Variants in B4GALT4 observed in about 807,000 individuals in gnomAD.
The protein encoded by B4GALT4 is beta-1,4-galactosyltransferase 4, also known as N-acetyllactosamine synthase.
B4GALT4 carries 27 observed loss-of-function variants against 37.3 expected under a neutral mutation model. That is an observed-to-expected ratio of 0.72 (90% CI 0.53 to 1.00). The LOEUF (loss-of-function observed/expected upper bound fraction) is 1.00. Among genes scored for constraint, B4GALT4 ranks in the 50% least tolerant of loss-of-function variants. The pLI is 0.00. For synonymous variants in B4GALT4, 148 were observed against 154.1 expected, an observed-to-expected ratio of 0.96 and a Z score of 0.29; for missense variants, 372 against 413.1, an observed-to-expected ratio of 0.90 and a Z score of 0.86.
In B4GALT4 at chr3:119,212,034, G is replaced by A. The variant is rs912912579; in HGVS notation, c.*515C>T. On this transcript the variant is annotated 3_prime_UTR_variant, in exon 8 of 8. Coordinates refer to ENST00000393765, the MANE Select transcript of B4GALT4 (RefSeq NM_003778.4). ...TCCCAAGTTCACTGTGTCCTGATTC[G>A]TCGCCTTTTCTCCCCTCTTTTGTGG... The A allele has an allele frequency of 1.8e-5, 12 of 649,672 alleles. No homozygotes were observed. The highest frequency in any genetic ancestry group is 8.2e-5 in the East Asian group (3 of 36,486). 40.2% of individuals were successfully genotyped at this position (649,672 alleles called of 1,614,324 possible). A position where few individuals can be genotyped will look rare whatever the true frequency, so the allele number is the denominator to read the frequency against.
rs1404967090 is a variant in B4GALT4, at chr3:119,229,855, G to C, written c.245C>G (p.Pro82Arg). The change falls in exon 3 of 8, where the codon CCT (proline) becomes CGT (arginine). Residue 82 changes from proline to arginine, a missense_variant. Physicochemically the swap from Pro to Arg is moderately radical, Grantham distance 103 (BLOSUM62 -2). Transcript: ENST00000393765. ...VELDNCPSVS[P>R]YLRGQSKLIF... ...AAAAAAGCAACACTTACTGAGGTAA[G>C]GAGACACAGAAGGGCAGTTGTCAAG... 1.2e-6 allele frequency: 2 copies of C among 1,614,016 alleles called. No homozygotes were observed. The highest frequency in any genetic ancestry group is 1.7e-6 in the Non-Finnish European group (2 of 1,179,986).
At chr3:119,227,366 C>G (rs1001880726) in intron 3 of B4GALT4, among the ~76,000 whole-genome samples, 1 of 152,196 alleles carries the variant, frequency 6.6e-6, no homozygotes, top group Non-Finnish European at 1.5e-5. Context: ...CAGGGCTAGA[C>G]AGAGTAACTT....
intron 4 of B4GALT4, 64 bp from the exon 5 acceptor site, chr3:119,224,309 T>TA: frequency 7.6e-7 from 1 of 1,318,738 alleles, no homozygotes; most frequent in Non-Finnish European, 1.0e-6. Flanking sequence ...GTTTGCCTCT[T>TA]AGTTAGGATT....
At chr3:119,220,752 C>G (rs1429826607) in intron 5 of B4GALT4, among the ~76,000 whole-genome samples, 1 of 152,142 alleles carries the variant, frequency 6.6e-6, no homozygotes, top group Non-Finnish European at 1.5e-5. Context: ...TTTGGGAGGC[C>G]AAGGCGGACG....
At chr3:119,230,953 C>T (rs546446976) in intron 2 of B4GALT4, among the ~76,000 whole-genome samples, 1 of 152,282 alleles carries the variant, frequency 6.6e-6, no homozygotes, top group East Asian at 1.9e-4. Flanking sequence ...TAACCTTGGG[C>T]CAGTCATTTA....
At position 119,218,696 on chromosome 3, in the gene B4GALT4, T is replaced by TA; in HGVS notation, c.750dup (p.Asn251Ter). 2 of 1,614,196 alleles carry TA rather than the reference T, an allele frequency of 1.2e-6. No homozygotes were observed. Among genetic ancestry groups the TA allele is most frequent in the Non-Finnish European group, 1.7e-6 (2 of 1,180,034 alleles). On this transcript the variant is annotated frameshift_variant, in exon 6 of 8. Transcript: ENST00000393765. LOFTEE classifies it high-confidence loss of function. ...TCGCCTCCCCATCCCCAGTAGTTGT[T>TA]AGAGAATCCATTCACCTTGAAAAAC... is the stretch of plus-strand genomic sequence containing the variant.
intron 2 of B4GALT4, chr3:119,233,009 T>C (rs1384671871): frequency 6.6e-6 from 1 of 152,282 alleles, no homozygotes; most frequent in Non-Finnish European, 1.5e-5. Context: ...GGTTTCACCA[T>C]GTTGTCCAGG....
Position 119,212,212 on chromosome 3 carries a change from T to C in B4GALT4, c.*337A>G, listed in dbSNP as rs563493021. 64 of 703,024 alleles carry C rather than the reference T, an allele frequency of 9.1e-5. 1 individual carries two copies. The highest frequency in any genetic ancestry group is 7.5e-4 in the South Asian group (51 of 67,598). 43.5% of individuals were successfully genotyped at this position (703,024 alleles called of 1,614,324 possible). A position where few individuals can be genotyped will look rare whatever the true frequency, so the allele number is the denominator to read the frequency against. On this transcript the variant is annotated 3_prime_UTR_variant, in exon 8 of 8. Coordinates refer to ENST00000393765, the MANE Select transcript of B4GALT4 (RefSeq NM_003778.4). ...TTATTTCCTGTGGCCTTTTATCCCA[T>C]AATATATTACTTCAAATTTAAATAA... is the stretch of plus-strand genomic sequence containing the variant.
chr3:119,234,006 TC>T (rs1467631447), intron 2 of B4GALT4, among the ~76,000 whole-genome samples: 1 of 152,184 alleles, frequency 6.6e-6, no homozygotes, highest in Admixed American at 6.5e-5. Context: ...CACCGTTGTG[TC>T]CCAGCTATAA....
At chr3:119,235,625 G>C (rs2078964411) in intron 2 of B4GALT4, among the ~76,000 whole-genome samples, 1 of 152,078 alleles carries the variant, frequency 6.6e-6, no homozygotes, top group Non-Finnish European at 1.5e-5. Context: ...CTTAGGCCTT[G>C]GTATTCATTA....
At chr3:119,236,794 C>T (rs1479848530) in intron 2 of B4GALT4, 59 bp downstream of exon 2, 12 of 152,194 alleles carry the variant, frequency 7.9e-5, no homozygotes, top group South Asian at 2.1e-4. Flanking sequence ...AGGCTCACCC[C>T]GATACTAGCT....
chr3:119,227,311 T>C (rs533948221), intron 3 of B4GALT4, among the ~76,000 whole-genome samples: 6 of 152,196 alleles, frequency 3.9e-5, no homozygotes, highest in Non-Finnish European at 8.8e-5. Context: ...CTATGATCCA[T>C]CTGTAAGAGG....
intron 7 of B4GALT4, 161 bp downstream of exon 7, chr3:119,216,079 C>T: frequency 4.5e-6 from 2 of 449,020 alleles, no homozygotes; most frequent in Non-Finnish European, 7.6e-6. Context: ...CGTGAGGGTT[C>T]AGTGCACCAC....
chr3:119,227,801 T>A (rs1434736835), intron 3 of B4GALT4, among the ~76,000 whole-genome samples: 1 of 152,148 alleles, frequency 6.6e-6, no homozygotes, highest in African/African-American at 2.4e-5. Context: ...AATTGAGCTA[T>A]CCCCTTCTGA....
rs72655931 is a variant in B4GALT4 at position 119,230,131 on chromosome 3, C to A, written c.-32G>T. 1.8e-3 allele frequency: 2,884 copies of A among 1,608,092 alleles called. 39 individuals carry two copies. In the African/African-American group the frequency reaches 0.033, roughly 18 times the overall value. ...TATTACGTGAATAATATCTATCTCT[C>A]TGCTTCACTGCAGGCAAGAAAGCTT... On this transcript the variant is annotated 5_prime_UTR_variant, in exon 3 of 8. Transcript: ENST00000393765.
chr3:119,235,146 TGA>T (rs1215021814), intron 2 of B4GALT4: 1 of 152,236 alleles, frequency 6.6e-6, no homozygotes, highest in Non-Finnish European at 1.5e-5. Context: ...GATAGGTACC[TGA>T]GAGTCCTTTC....
At chr3:119,229,418 A>G (rs939827057) in intron 3 of B4GALT4, among the ~76,000 whole-genome samples, 4 of 152,274 alleles carry the variant, frequency 2.6e-5, no homozygotes, top group Non-Finnish European at 5.9e-5. Context: ...ACGCAACCAT[A>G]AGAACAGATC....
intron 1 of B4GALT4, among the ~76,000 whole-genome samples, chr3:119,238,927 G>A (rs992737381): frequency 3.2e-4 from 48 of 152,170 alleles, no homozygotes; most frequent in African/African-American, 1.2e-3. Context: ...AACTTCAGAG[G>A]CTGTTAGTAA....
chr3:119,214,037 CA>C (rs1232690130), intron 7 of B4GALT4: 4 of 151,828 alleles, frequency 2.6e-5, no homozygotes, highest in Non-Finnish European at 4.4e-5. Flanking sequence ...CAGCCTTTGG[CA>C]ACACAGGAAG....
Sources: gnomAD v4.1 joint callset for allele counts (sites outside exome capture counted in the v4.1 genomes callset) on GRCh38, gnomAD v4.1.1 for gene constraint, MANE v1.5 for transcripts, NCBI Gene and HGNC (gene_info 2026-07-23, HGNC 2026-07-21) for gene names.